Variants in TAB1 observed in about 807,000 individuals in gnomAD.
TAB1 encodes the protein TGF-beta-activated kinase 1 and MAP3K7-binding protein 1.
Under a neutral mutation model 54.5 loss-of-function variants are expected in TAB1, and 30 were observed. The ratio of observed to expected loss-of-function variants is 0.55; its 90% CI spans 0.41 to 0.75. The LOEUF (loss-of-function observed/expected upper bound fraction) is 0.75, where lower values mean the gene tolerates loss of function less well. Among genes scored for constraint, TAB1 ranks in the 30% least tolerant of loss-of-function variants. The probability of loss-of-function intolerance (pLI) is 0.00; values close to 1 mark genes in which losing one functional copy is unlikely to be tolerated. For missense variants in TAB1, 609 were observed against 683.2 expected (o/e 0.89, Z 1.21); for synonymous variants, 289 against 286.9 (o/e 1.01, Z -0.07).
chr22:39,405,742 C>T (rs535289121), intron 1 of TAB1, among the ~76,000 whole-genome samples: 11 of 152,164 alleles, frequency 7.2e-5, no homozygotes, highest in Non-Finnish European at 1.5e-4. Flanking sequence ...CAGCAATGGA[C>T]GCTCGGTATG....
chr22:39,413,254 A>G (rs1324210401), intron 1 of TAB1, among the ~76,000 whole-genome samples: 2 of 151,912 alleles, frequency 1.3e-5, no homozygotes. Flanking sequence ...ATCAGTTCTA[A>G]TAGTTTTTTG....
At chr22:39,413,788 G>C (rs943052812) in intron 1 of TAB1, among the ~76,000 whole-genome samples, 3 of 152,208 alleles carry the variant, frequency 2.0e-5, no homozygotes, top group African/African-American at 7.2e-5. Context: ...GTTTGCTGTA[G>C]TTCTGCATGG....
In TAB1 at chr22:39,408,571, C is replaced by T. The variant is rs1435616183; in HGVS notation, c.34-6435C>T. Among the ~76,000 whole-genome samples, 6 of 151,962 alleles carry T rather than the reference C, an allele frequency of 3.9e-5. No homozygotes were observed. In the South Asian group the frequency reaches 8.3e-4, roughly 21 times the overall value. The stretch of plus-strand genomic sequence containing the variant: ...TGGAGTGCAGTGGCGTGTGCGATCT[C>T]GGCTCTCTGCAACCTCCACCTCCTG... On this transcript the variant is annotated intron_variant, in intron 1 of 10. Transcript: ENST00000216160.
At chr22:39,413,700 C>T (rs1361710273) in intron 1 of TAB1, among the ~76,000 whole-genome samples, 6 of 152,230 alleles carry the variant, frequency 3.9e-5, no homozygotes, top group Non-Finnish European at 8.8e-5. Flanking sequence ...GCTGGGATTA[C>T]GGGCGTGAGC....
chr22:39,416,285 ACC>A (rs1004843791), intron 3 of TAB1, among the ~76,000 whole-genome samples: 11 of 152,148 alleles, frequency 7.2e-5, no homozygotes, highest in African/African-American at 2.4e-4. Context: ...TGTCAGTGTC[ACC>A]AGTGTCCTGG....
At chr22:39,409,183 G>T (rs1251593083) in intron 1 of TAB1, among the ~76,000 whole-genome samples, 1 of 152,194 alleles carries the variant, frequency 6.6e-6, no homozygotes, top group Non-Finnish European at 1.5e-5. Context: ...AGGAAGACAT[G>T]GGATACTCCT....
chr22:39,427,026 G>T, intron 9 of TAB1, 101 bp downstream of exon 9: 1 of 1,190,268 alleles, frequency 8.4e-7, no homozygotes, highest in South Asian at 1.4e-5. Context: ...ATGGAGTCAG[G>T]AGGCCTGGCT....
At position 39,425,428 on chromosome 22, in the gene TAB1, A is replaced by G. The variant is rs141326583; in HGVS notation, c.922-1275A>G. 1.2e-3 allele frequency among the ~76,000 whole-genome samples: 178 copies of G among 152,250 alleles called. 2 individuals carry two copies. In the East Asian group the frequency reaches 0.022, roughly 18 times the overall value. ...GGATTCAACATTTTCTTATATAATA[A>G]TGAAAATAGGCTTTGTGCTAGATGA... On this transcript the variant is annotated intron_variant, in intron 8 of 10. Coordinates refer to ENST00000216160, the MANE Select transcript of TAB1 (RefSeq NM_006116.3).
chr22:39,433,846 G>A (rs1275159106), downstream of TAB1: 12 of 983,700 alleles, frequency 1.2e-5, no homozygotes, highest in Non-Finnish European at 1.4e-5. Context: ...TAGCACAGAT[G>A]CCCCCTCTGG....
intron 8 of TAB1, among the ~76,000 whole-genome samples, chr22:39,423,496 T>G (rs552200794): frequency 6.6e-6 from 1 of 152,254 alleles, no homozygotes; most frequent in Admixed American, 6.5e-5. Context: ...TCCCAGCTAC[T>G]CAGGAGGCTG....
intron 1 of TAB1, among the ~76,000 whole-genome samples, chr22:39,414,402 A>T (rs925623618): frequency 5.9e-5 from 9 of 152,236 alleles, no homozygotes; most frequent in Admixed American, 2.6e-4. Context: ...ACTCCGACTT[A>T]AAAGCCAGTC....
intron 1 of TAB1, among the ~76,000 whole-genome samples, chr22:39,410,710 A>C (rs1219747399): frequency 1.3e-5 from 2 of 152,160 alleles, no homozygotes; most frequent in Non-Finnish European, 2.9e-5. Context: ...TGAAGACATA[A>C]ATAAGTGTAG....
intron 1 of TAB1, among the ~76,000 whole-genome samples, chr22:39,406,496 C>A (rs35349798): frequency 0.015 from 2,279 of 151,914 alleles, 36 homozygotes; most frequent in Admixed American, 0.03. Context: ...GGCCTCTGGC[C>A]CTAGTTGGAT....
chr22:39,402,643 C>T (rs577630844), intron 1 of TAB1, among the ~76,000 whole-genome samples: 2 of 150,982 alleles, frequency 1.3e-5, no homozygotes, highest in South Asian at 4.2e-4. Context: ...ACCTCTGCTT[C>T]GTGGGTTCAA....
intron 8 of TAB1, 144 bp from the exon 9 acceptor site, chr22:39,426,559 A>G (rs1027627442): frequency 7.8e-5 from 53 of 677,774 alleles, no homozygotes; most frequent in Non-Finnish European, 1.2e-4. Flanking sequence ...AAAGGCTCAG[A>G]TTGCAAACTT....
Position 39,416,109 on chromosome 22 carries a change from A to C in TAB1, c.324+456A>C, listed in dbSNP as rs374055356. Among the ~76,000 whole-genome samples the C allele has an allele frequency of 1.7e-3, 256 of 152,218 alleles. 1 individual carries two copies. The highest frequency in any genetic ancestry group is 5.9e-3 in the African/African-American group (246 of 41,552). The stretch of plus-strand genomic sequence containing the variant: ...CCACCTTTCTGCTTGCGCTGTTGGC[A>C]GTTTTCCTCCTGGCATCTGCTTTCA... On this transcript the variant is annotated intron_variant, in intron 3 of 10. Coordinates refer to ENST00000216160, the MANE Select transcript of TAB1 (RefSeq NM_006116.3).
In TAB1 at chr22:39,430,054, C is replaced by T; in HGVS notation, c.1347C>T (p.His449=). The T allele has an allele frequency of 2.5e-6, 4 of 1,614,048 alleles. No individual in the cohort carries two copies. The highest frequency in any genetic ancestry group is 3.4e-6 in the Non-Finnish European group (4 of 1,180,038). Reference sequence around the variant, plus strand: ...TAACCCTGCAGTCCACCAACACGCACACGCAGAGCAGCAGCTCCAGCTCTG... The same window carrying T: ...TAACCCTGCAGTCCACCAACACGCATACGCAGAGCAGCAGCTCCAGCTCTG... ...PTLTLQSTNT[H]TQSSSSSSDG... The change falls in exon 11 of 11, where the codon CAC becomes CAT. Residue 449 remains histidine, a synonymous_variant. Coordinates refer to ENST00000216160, the MANE Select transcript of TAB1 (RefSeq NM_006116.3).
At chr22:39,423,724 G>A (rs1241624624) in intron 8 of TAB1, among the ~76,000 whole-genome samples, 2 of 151,744 alleles carry the variant, frequency 1.3e-5, no homozygotes, top group Non-Finnish European at 2.9e-5. Flanking sequence ...ATGTAGTGGT[G>A]AATTCTGAGA....
intron 4 of TAB1, 91 bp downstream of exon 4, chr22:39,416,968 C>A: frequency 7.6e-7 from 1 of 1,307,288 alleles, no homozygotes; most frequent in Non-Finnish European, 1.1e-6. Context: ...CATTACTGGG[C>A]CAGAGCAACA....
Sources: allele counts gnomAD v4.1 joint callset (sites outside exome capture counted in the v4.1 genomes callset), GRCh38; gene constraint gnomAD v4.1.1; transcripts MANE v1.5; gene names NCBI Gene and HGNC (gene_info 2026-07-23, HGNC 2026-07-21).